INPP4B: variants seen among roughly 807,000 people sequenced by gnomAD.
INPP4B encodes the protein inositol polyphosphate 4-phosphatase type II.
INPP4B carries 55 observed loss-of-function variants against 122.5 expected under a neutral mutation model. The observed-to-expected ratio is 0.45, with a 90% CI of 0.36 to 0.56. INPP4B has a LOEUF of 0.56. Among genes scored for constraint, INPP4B ranks in the 20% least tolerant of loss-of-function variants. The probability of loss-of-function intolerance (pLI) is 0.00; values close to 1 mark genes in which losing one functional copy is unlikely to be tolerated. For synonymous variants in INPP4B, 403 were observed against 388.7 expected, an observed-to-expected ratio of 1.04 and a Z score of -0.43; for missense variants, 1,000 against 1,097.7, an observed-to-expected ratio of 0.91 and a Z score of 1.26.
intron 2 of INPP4B, among the ~76,000 whole-genome samples, chr4:142,655,268 T>C (rs968285966): frequency 3.9e-5 from 6 of 152,248 alleles, no homozygotes; most frequent in African/African-American, 9.6e-5. Flanking sequence ...GTAGGTGAGC[T>C]CCATTGTCTT....
At chr4:142,118,697 G>T (rs1429616317) in intron 21 of INPP4B, among the ~76,000 whole-genome samples, 1 of 152,110 alleles carries the variant, frequency 6.6e-6, no homozygotes, top group Non-Finnish European at 1.5e-5. Flanking sequence ...AACCCTAGAA[G>T]AAAACCTAGG....
chr4:142,655,009 A>C (rs995469084), intron 2 of INPP4B, among the ~76,000 whole-genome samples: 2 of 152,176 alleles, frequency 1.3e-5, no homozygotes. Flanking sequence ...TGCAACAGTC[A>C]CCTTCAGATA....
At position 142,270,658 on chromosome 4, in the gene INPP4B, C is replaced by A. The variant is rs751130776; in HGVS notation, c.615+5G>T. On this transcript the variant is annotated splice_donor_5th_base_variant and intron_variant, in intron 10 of 25. Coordinates refer to ENST00000262992, the MANE Select transcript of INPP4B (RefSeq NM_001101669.3). ...ATTTGTACAATGAGCAGACTGAGAT[C>A]CTACCTTTTGTCCCTGTACATCTGT... is the stretch of plus-strand genomic sequence containing the variant. 6.4e-7 allele frequency: 1 copy of A among 1,558,716 alleles called. No homozygotes were observed. Among genetic ancestry groups the A allele is most frequent in the South Asian group, 1.1e-5 (1 of 89,950 alleles).
At chr4:142,163,485 G>A (rs1342731000) in intron 16 of INPP4B, among the ~76,000 whole-genome samples, 2 of 151,826 alleles carry the variant, frequency 1.3e-5, no homozygotes, top group African/African-American at 2.4e-5. Context: ...TAATCACGTA[G>A]ACATTGTACC....
intron 2 of INPP4B, among the ~76,000 whole-genome samples, chr4:142,674,097 G>A (rs1229004813): frequency 6.6e-6 from 1 of 152,136 alleles, no homozygotes; most frequent in Non-Finnish European, 1.5e-5. Flanking sequence ...CCCAGGACAA[G>A]TTCAAAGGGT....
At chr4:142,437,077 G>A (rs7674245) in intron 3 of INPP4B, among the ~76,000 whole-genome samples, 1 of 151,984 alleles carries the variant, frequency 6.6e-6, no homozygotes, top group East Asian at 1.9e-4. Flanking sequence ...TAAATGACCT[G>A]GAGCTGAAAA....
rs115234981 is a variant in INPP4B at position 142,213,620 on chromosome 4, A to G, written c.837-4594T>C. ...GATTTTGATTGTGCTCACTCCTACA[A>G]CCCCATTCACATGTCTCTTGCTCGT... On this transcript the variant is annotated intron_variant, in intron 12 of 25. Transcript: ENST00000262992. 3.5e-3 allele frequency among the ~76,000 whole-genome samples: 528 copies of G among 151,934 alleles called. 3 individuals carry two copies. Among genetic ancestry groups the G allele is most frequent in the Non-Finnish European group, 6.0e-3 (409 of 67,910 alleles).
chr4:142,395,873 A>G (rs1271764690), intron 7 of INPP4B, among the ~76,000 whole-genome samples: 1 of 152,114 alleles, frequency 6.6e-6, no homozygotes, highest in Non-Finnish European at 1.5e-5. Context: ...CAGAGAGTAA[A>G]ATTGTGATTG....
intron 2 of INPP4B, among the ~76,000 whole-genome samples, chr4:142,622,744 T>C (rs1244366766): frequency 1.3e-5 from 2 of 151,964 alleles, no homozygotes; most frequent in African/African-American, 4.8e-5. Flanking sequence ...CTCTAAAACC[T>C]CAGCTACATC....
chr4:142,553,605 C>T (rs190540468), intron 2 of INPP4B, among the ~76,000 whole-genome samples: 12 of 152,302 alleles, frequency 7.9e-5, no homozygotes, highest in African/African-American at 2.9e-4. Flanking sequence ...TATGCTGAGA[C>T]ATAGTCCATG....
chr4:142,257,411 G>A (rs913589599), intron 11 of INPP4B, among the ~76,000 whole-genome samples: 41 of 152,170 alleles, frequency 2.7e-4, no homozygotes, highest in South Asian at 8.3e-4. Context: ...GAGGAAGTCA[G>A]ATTGTCCCTG....
intron 2 of INPP4B, among the ~76,000 whole-genome samples, chr4:142,690,612 G>A (rs1193961304): frequency 6.6e-6 from 1 of 152,126 alleles, no homozygotes; most frequent in Admixed American, 6.6e-5. Context: ...AAGAAACCCA[G>A]GCTCCCCTGC....
intron 12 of INPP4B, among the ~76,000 whole-genome samples, chr4:142,213,533 C>A (rs554006083): frequency 6.6e-6 from 1 of 152,082 alleles, no homozygotes; most frequent in Non-Finnish European, 1.5e-5. Flanking sequence ...CCACTGGACA[C>A]GTGACAATGT....
At chr4:142,051,172 A>G (rs1208297120) in intron 25 of INPP4B, among the ~76,000 whole-genome samples, 2 of 151,984 alleles carry the variant, frequency 1.3e-5, no homozygotes, top group African/African-American at 2.4e-5. Flanking sequence ...AAACAAGCAC[A>G]TATTTATAAA....
chr4:142,114,138 A>T (rs1791717279), intron 21 of INPP4B, among the ~76,000 whole-genome samples: 2 of 152,020 alleles, frequency 1.3e-5, no homozygotes, highest in Non-Finnish European at 2.9e-5. Context: ...GGCATGTATC[A>T]GTAGCTTGTT....
intron 16 of INPP4B, among the ~76,000 whole-genome samples, chr4:142,162,662 C>T (rs980293824): frequency 1.3e-5 from 2 of 151,924 alleles, no homozygotes; most frequent in Admixed American, 1.3e-4. Flanking sequence ...CTTGTAATCA[C>T]TATCAATTTC....
intron 2 of INPP4B, among the ~76,000 whole-genome samples, chr4:142,717,942 AC>A (rs2150824455): frequency 6.6e-6 from 1 of 151,384 alleles, no homozygotes; most frequent in East Asian, 1.9e-4. Context: ...CCCCTTGTAC[AC>A]TCTTCTGTCT....
chr4:142,046,598 G>A lies in INPP4B; in HGVS notation c.2643-17684C>T, dbSNP rs542563555. ...TAATCCAAACTGAGTAGAGGCTAGA[G>A]TGAAAAGAAAGAGGAGGGAATAAGG... On this transcript the variant is annotated intron_variant, in intron 25 of 25. Coordinates refer to ENST00000262992, the MANE Select transcript of INPP4B (RefSeq NM_001101669.3). Among the ~76,000 whole-genome samples the A allele has an allele frequency of 2.0e-5, 3 of 152,232 alleles. 1 individual carries two copies. The East Asian group carries it at 5.8e-4, about 29-fold the overall frequency.
rs765985681 is a variant in INPP4B at position 142,472,261 on chromosome 4, C to T, written c.-190-9535G>A. Among the ~76,000 whole-genome samples the T allele has an allele frequency of 1.2e-3, 175 of 149,378 alleles. 1 individual carries two copies. The highest frequency in any genetic ancestry group is 0.01 in the Middle Eastern group (3 of 294). On this transcript the variant is annotated intron_variant, in intron 2 of 25. Transcript: ENST00000262992. Reference sequence around the variant, plus strand: ...ATTTATCTTCAGTAGCTTATAGCATCAAATGAAAAAAATGCATATCTCAGA... The same window carrying T: ...ATTTATCTTCAGTAGCTTATAGCATTAAATGAAAAAAATGCATATCTCAGA...
Sources: gnomAD v4.1 joint callset for allele counts (sites outside exome capture counted in the v4.1 genomes callset) on GRCh38, gnomAD v4.1.1 for gene constraint, MANE v1.5 for transcripts, NCBI Gene and HGNC (gene_info 2026-07-23, HGNC 2026-07-21) for gene names.